The following IQSEC1 variants were observed in gnomAD, a reference collection of about 807,000 sequenced individuals.
The protein encoded by IQSEC1 is IQ motif and SEC7 domain-containing protein 1.
IQSEC1 carries 31 observed loss-of-function variants against 91.0 expected under a neutral mutation model. That is an observed-to-expected ratio of 0.34 (90% CI 0.26 to 0.46). The LOEUF is 0.46. IQSEC1 is among the 20% of genes least tolerant of loss of function. IQSEC1 has a pLI of 1.00. For synonymous variants in IQSEC1, 699 were observed against 662.6 expected (o/e 1.05, Z -0.84); for missense variants, 1,388 against 1,575.6 (o/e 0.88, Z 2.02).
In IQSEC1 at chr3:12,936,168, G is replaced by A. The variant is rs761433310; in HGVS notation, c.848C>T (p.Thr283Met). ...CAGGGTGACATCACTGTACGAGGCC[G>A]TCATCTCGTCCAGTTTGCGGTGGTC... is the stretch of plus-strand genomic sequence containing the variant. ...GMDHRKLDEMTASYSDVTLYI... is the reference protein window; with the variant it reads ...GMDHRKLDEMMASYSDVTLYI... The change falls in exon 3 of 14, where the codon ACG becomes ATG. Residue 283 changes from threonine (T) to methionine (M), a missense_variant. Around this residue, in one of 2 missense-constraint regions of IQSEC1, gnomAD observed 1,059 missense variants for 1,317.8 expected, o/e 0.80. Coordinates refer to ENST00000613206, the MANE Select transcript of IQSEC1 (RefSeq NM_001134382.3). 47 of 1,612,636 alleles carry A rather than the reference G, an allele frequency of 2.9e-5. No homozygotes were observed. Among genetic ancestry groups the A allele is most frequent in the South Asian group, 1.1e-4 (10 of 91,084 alleles).
At chr3:13,213,984 C>A (rs555534743) in intron 1 of IQSEC1, among the ~76,000 whole-genome samples, 2 of 152,242 alleles carry the variant, frequency 1.3e-5, no homozygotes, top group East Asian at 3.9e-4. Context: ...CAACCCCAAC[C>A]TGGACCCATC....
chr3:13,241,021 C>T (rs1695013451), intron 1 of IQSEC1, among the ~76,000 whole-genome samples: 1 of 152,206 alleles, frequency 6.6e-6, no homozygotes, highest in South Asian at 2.1e-4. Context: ...GGTGGGCCCA[C>T]CGTGTGATCA....
At chr3:13,176,352 T>C (rs1693728461) in intron 1 of IQSEC1, among the ~76,000 whole-genome samples, 1 of 152,144 alleles carries the variant, frequency 6.6e-6, no homozygotes, top group Admixed American at 6.5e-5. Context: ...TTTAGTAATA[T>C]AGCAGAAAAC....
chr3:13,102,916 G>A (rs987893707), intron 2 of IQSEC1, among the ~76,000 whole-genome samples: 1 of 152,230 alleles, frequency 6.6e-6, no homozygotes, highest in African/African-American at 2.4e-5. Flanking sequence ...GAGGTCGGAA[G>A]TTTCCAGATG....
intron 2 of IQSEC1, among the ~76,000 whole-genome samples, chr3:13,107,205 A>C (rs890027497): frequency 6.6e-6 from 1 of 152,194 alleles, no homozygotes; most frequent in South Asian, 2.1e-4. Context: ...TAGGATCTGC[A>C]CAAGAGGTAT....
At chr3:12,910,806 C>T (rs563440901) in intron 10 of IQSEC1, among the ~76,000 whole-genome samples, 1 of 152,334 alleles carries the variant, frequency 6.6e-6, no homozygotes, top group Non-Finnish European at 1.5e-5. Context: ...ATTAGACAGA[C>T]AGTGACACCT....
intron 12 of IQSEC1, among the ~76,000 whole-genome samples, chr3:12,906,632 C>T (rs963374305): frequency 3.3e-5 from 5 of 152,226 alleles, no homozygotes; most frequent in African/African-American, 9.6e-5. Flanking sequence ...CAACAGCAAT[C>T]GTCACACTAC....
intron 7 of IQSEC1, 132 bp from the exon 8 acceptor site, chr3:12,915,265 C>G: frequency 9.5e-7 from 1 of 1,053,882 alleles, no homozygotes. Flanking sequence ...CCCACTCTCT[C>G]TGGCAGAGCT....
At chr3:12,934,675 C>A (rs780902716) in intron 3 of IQSEC1, among the ~76,000 whole-genome samples, 1 of 152,152 alleles carries the variant, frequency 6.6e-6, no homozygotes, top group Non-Finnish European at 1.5e-5. Context: ...CCTGCACGTT[C>A]CCCAGGCCAA....
Position 12,922,255 on chromosome 3 carries a change from C to T in IQSEC1, c.1731-13G>A, listed in dbSNP as rs895700387. 14 of 1,569,308 alleles carry T rather than the reference C, an allele frequency of 8.9e-6. No individual in the cohort carries two copies. Among genetic ancestry groups the T allele is most frequent in the Non-Finnish European group, 1.2e-5 (14 of 1,149,372 alleles). ...GTCCACGACGCAGCTGGAATAGAGACAGACAGCCCCGCATAAGCACCCCTT... is the reference window on the plus strand; with the variant it reads ...GTCCACGACGCAGCTGGAATAGAGATAGACAGCCCCGCATAAGCACCCCTT... On this transcript the variant is annotated splice_polypyrimidine_tract_variant and intron_variant, in intron 4 of 13. Transcript: ENST00000613206. This position sits in a 1 kb window ranked among gnomAD's most constrained non-coding sequence, Gnocchi z 5.1.
chr3:13,134,497 A>T (rs936149225), intron 2 of IQSEC1, among the ~76,000 whole-genome samples: 3 of 152,298 alleles, frequency 2.0e-5, no homozygotes, highest in Admixed American at 2.0e-4. Flanking sequence ...TGCCAGCAAC[A>T]CCGTTGGCAA....
At chr3:13,222,185 T>C (rs1298325655) in intron 1 of IQSEC1, among the ~76,000 whole-genome samples, 1 of 136,488 alleles carries the variant, frequency 7.3e-6, no homozygotes, top group Non-Finnish European at 1.5e-5. Flanking sequence ...ACTTTCTGTC[T>C]CCGTGAATGT....
At chr3:13,098,188 C>T (rs910641268) in intron 2 of IQSEC1, among the ~76,000 whole-genome samples, 1 of 152,238 alleles carries the variant, frequency 6.6e-6, no homozygotes. Flanking sequence ...GATGTGCAGC[C>T]TTCTTTCTGG....
At chr3:13,010,212 A>G (rs548046948) in intron 1 of IQSEC1, among the ~76,000 whole-genome samples, 1 of 152,322 alleles carries the variant, frequency 6.6e-6, no homozygotes, top group South Asian at 2.1e-4. Flanking sequence ...GCAGGTCGCA[A>G]TGGTGGATGC....
intron 1 of IQSEC1, among the ~76,000 whole-genome samples, chr3:13,029,100 A>G (rs1236350672): frequency 2.6e-5 from 4 of 152,242 alleles, no homozygotes; most frequent in African/African-American, 9.6e-5. Context: ...GATCACGAAT[A>G]TATAGCAACT....
intron 2 of IQSEC1, among the ~76,000 whole-genome samples, chr3:13,135,233 C>T (rs1489364456): frequency 6.6e-6 from 1 of 152,190 alleles, no homozygotes; most frequent in Admixed American, 6.5e-5. Context: ...AGGAGGTTGT[C>T]CTTGTCACAG....
chr3:13,041,166 C>T (rs991539071), intron 1 of IQSEC1, among the ~76,000 whole-genome samples: 4 of 151,768 alleles, frequency 2.6e-5, no homozygotes, highest in African/African-American at 9.7e-5. Context: ...CGGTAGACAC[C>T]GAATCACTGA....
At chr3:13,155,990 G>A (rs1427706845) in intron 2 of IQSEC1, among the ~76,000 whole-genome samples, 1 of 152,036 alleles carries the variant, frequency 6.6e-6, no homozygotes, top group African/African-American at 2.4e-5. Context: ...AGGCCAATGC[G>A]GGTGGATTAC....
rs779939924 is a variant in IQSEC1, at chr3:12,899,449, C to A, written c.*1534G>T. The A allele has an allele frequency of 1.5e-5, 24 of 1,607,394 alleles. No homozygotes were observed. The highest frequency in any genetic ancestry group is 2.0e-5 in the Non-Finnish European group (24 of 1,177,552). ...AAAGGCTGAAACTACAAAGTATGGC[C>A]CGTGGGTGACTCGGGCACAGACCTG... On this transcript the variant is annotated 3_prime_UTR_variant, in exon 14 of 14. Transcript: ENST00000613206.
Sources: allele counts gnomAD v4.1 joint callset (sites outside exome capture counted in the v4.1 genomes callset), GRCh38; gene constraint gnomAD v4.1.1; regional missense constraint gnomAD v4.1.1; non-coding constraint Gnocchi (gnomAD v3.1); transcripts MANE v1.5; gene names NCBI Gene and HGNC (gene_info 2026-07-23, HGNC 2026-07-21).